Variants in C12orf76 observed in about 807,000 individuals in gnomAD.
C12orf76 encodes the protein uncharacterized protein C12orf76.
In C12orf76, 6 loss-of-function variants were observed where a neutral mutation model predicts 6.8. That is an observed-to-expected ratio of 0.88 (90% CI 0.48 to 1.73). The LOEUF (loss-of-function observed/expected upper bound fraction) is 1.73. Among genes scored for constraint, C12orf76 ranks in the 40% most tolerant of loss-of-function variants. The probability of loss-of-function intolerance (pLI) is 0.01; values close to 1 mark genes in which losing one functional copy is unlikely to be tolerated. For missense variants in C12orf76, 99 were observed against 98.2 expected (o/e 1.01, Z -0.03); for synonymous variants, 56 against 43.7 (o/e 1.28, Z -1.11).
intron 1 of C12orf76, chr12:110,045,867 G>T: frequency 6.0e-6 from 1 of 165,898 alleles, no homozygotes. Flanking sequence ...GCTTAGGCAA[G>T]AGAATCACTT....
At chr12:110,062,894 C>T (rs11834106) in intron 2 of C12orf76, among the ~76,000 whole-genome samples, 1 of 148,366 alleles carries the variant, frequency 6.7e-6, no homozygotes, top group Admixed American at 6.8e-5. Context: ...CCTCCCATCT[C>T]AGCCTCCCAA....
At chr12:110,068,318 A>AGAG (rs1480884825), upstream of C12orf76, among the ~76,000 whole-genome samples, 8 of 142,588 alleles carry the variant, frequency 5.6e-5, no homozygotes, top group Non-Finnish European at 1.1e-4. Flanking sequence ...AAGAAGAAGA[A>AGAG]GAAGAAGAAG....
intron 3 of C12orf76, chr12:110,058,964 C>T: frequency 1.3e-6 from 2 of 1,508,646 alleles, no homozygotes; most frequent in Non-Finnish European, 1.8e-6. Context: ...AAAACCAACT[C>T]TATAAGGAAG....
At chr12:110,056,992 G>T in intron 4 of C12orf76, 2 of 586,496 alleles carry the variant, frequency 3.4e-6, no homozygotes, top group Non-Finnish European at 6.1e-6. Flanking sequence ...CCATCAAGGG[G>T]CACTCACAGG....
At chr12:110,048,213 G>A (rs867852676) in intron 1 of C12orf76, 150 bp downstream of exon 1, 1 of 1,016,956 alleles carries the variant, frequency 9.8e-7, no homozygotes, top group Non-Finnish European at 1.3e-6. Flanking sequence ...AGGGAGTCTC[G>A]GGGCCCCCTG....
chr12:110,052,198 C>CTT (rs535081029), upstream of C12orf76, among the ~76,000 whole-genome samples: 5 of 134,396 alleles, frequency 3.7e-5, no homozygotes, highest in Non-Finnish European at 4.9e-5. Flanking sequence ...GCCCGGCCTT[C>CTT]TTTTTTTTTT....
At chr12:110,072,179 T>C (rs1455642969), upstream of C12orf76, among the ~76,000 whole-genome samples, 1 of 151,218 alleles carries the variant, frequency 6.6e-6, no homozygotes. Context: ...GTAATCCTAA[T>C]ACTTCAGGAG....
chr12:110,062,818 G>GTTTTT (rs1892795897), intron 2 of C12orf76, among the ~76,000 whole-genome samples: 1 of 86,366 alleles, frequency 1.2e-5, no homozygotes, highest in African/African-American at 5.6e-5. Flanking sequence ...TTTTTTTTTA[G>GTTTTT]AGATGGGATC....
At chr12:110,051,967 A>G (rs1055629929), upstream of C12orf76, among the ~76,000 whole-genome samples, 1 of 132,824 alleles carries the variant, frequency 7.5e-6, no homozygotes, top group African/African-American at 2.9e-5. Context: ...GCTGGAGTGC[A>G]GTGCAAGCTC....
At chr12:110,047,953 G>C (rs2137219742) in intron 1 of C12orf76, among the ~76,000 whole-genome samples, 1 of 152,234 alleles carries the variant, frequency 6.6e-6, no homozygotes, top group African/African-American at 2.4e-5. Context: ...TTCATTCATG[G>C]GCAAGCAGTA....
chr12:110,068,867 T>C (rs550277911), upstream of C12orf76, among the ~76,000 whole-genome samples: 8 of 152,302 alleles, frequency 5.3e-5, no homozygotes, highest in South Asian at 8.3e-4. Flanking sequence ...TGGTGCAAAC[T>C]ACTTCCGCCA....
In C12orf76 at chr12:110,065,173, C is replaced by T. The variant is rs1187377918; in HGVS notation, n.380+687G>A. Among the ~76,000 whole-genome samples the T allele has an allele frequency of 2.7e-5, 4 of 150,124 alleles. No individual in the cohort carries two copies. The East Asian group carries it at 6.0e-4, about 22-fold the overall frequency. ...GTGTATATGTGCATATATATATATACACATTTTTTTTTTTTGAGACTGAGT... is the reference window on the plus strand; with the variant it reads ...GTGTATATGTGCATATATATATATATACATTTTTTTTTTTTGAGACTGAGT... On this transcript the variant is annotated intron_variant and non_coding_transcript_variant, in intron 2 of 4. Transcript: ENST00000309050.
At chr12:110,058,335 T>C (rs992654780) in intron 3 of C12orf76, among the ~76,000 whole-genome samples, 1 of 152,162 alleles carries the variant, frequency 6.6e-6, no homozygotes, top group African/African-American at 2.4e-5. Flanking sequence ...TCATTTTCAG[T>C]GGCTAAAGAG....
At position 110,066,415 on chromosome 12, in the gene C12orf76, C is replaced by T. The variant is rs1181166248; in HGVS notation, n.207-382G>A. ...AAAAAAAAAAAAAAACGGCTGGGCG[C>T]GGTGGCTCACGCCTGTAATCCCAGC... On this transcript the variant is annotated intron_variant and non_coding_transcript_variant, in intron 1 of 4. Coordinates refer to the C12orf76 transcript ENST00000309050. Among the ~76,000 whole-genome samples the T allele has an allele frequency of 6.7e-5, 8 of 119,230 alleles. No homozygotes were observed. The South Asian group carries it at 1.8e-3, about 27-fold the overall frequency. The allele number at this position is 119,230 out of a possible 152,430, so 78.2% of individuals were successfully genotyped here.
chr12:110,067,940 G>A (rs149974004), upstream of C12orf76, among the ~76,000 whole-genome samples: 79 of 151,006 alleles, frequency 5.2e-4, no homozygotes, highest in East Asian at 5.4e-3. Context: ...GGCCGGGTGC[G>A]GTGGCTCACG....
At chr12:110,043,250 AAAGG>A (rs1028158087) in intron 1 of C12orf76, among the ~76,000 whole-genome samples, 2 of 152,050 alleles carry the variant, frequency 1.3e-5, no homozygotes, top group African/African-American at 4.8e-5. Context: ...ATCAGGCCAG[AAAGG>A]AAGGCTGGGG....
intron 1 of C12orf76, chr12:110,044,242 G>A (rs1892390177): frequency 6.6e-6 from 1 of 152,162 alleles, no homozygotes; most frequent in Admixed American, 6.6e-5. Flanking sequence ...TCTCATTACT[G>A]TTCCTTTGAA....
chr12:110,053,036 A>T (rs1358472711), upstream of C12orf76, among the ~76,000 whole-genome samples: 1 of 151,280 alleles, frequency 6.6e-6, no homozygotes, highest in Admixed American at 6.6e-5. Context: ...CCCTGTCTCT[A>T]CTAAAAATAG....
intron 1 of C12orf76, chr12:110,073,360 C>G (rs925430606): frequency 2.2e-5 from 11 of 498,858 alleles, no homozygotes; most frequent in African/African-American, 1.6e-4. Context: ...AAGCTGCCCC[C>G]TGGGGCTTTC....
Sources: gnomAD v4.1 joint callset for allele counts (sites outside exome capture counted in the v4.1 genomes callset) on GRCh38, gnomAD v4.1.1 for gene constraint, MANE v1.5 for transcripts, NCBI Gene and HGNC (gene_info 2026-07-23, HGNC 2026-07-21) for gene names.